Variants in DNAL1 observed in about 807,000 individuals in gnomAD.
The protein encoded by DNAL1 is chromosome 14 open reading frame 168.
Under a neutral mutation model 29.4 loss-of-function variants are expected in DNAL1, and 17 were observed. That is an observed-to-expected ratio of 0.58 (90% CI 0.40 to 0.87). The LOEUF is 0.87. DNAL1 is among the 40% of genes least tolerant of loss of function. The probability of loss-of-function intolerance (pLI) is 0.00; values close to 1 mark genes in which losing one functional copy is unlikely to be tolerated. For missense variants in DNAL1, 188 were observed against 214.1 expected, an observed-to-expected ratio of 0.88 and a Z score of 0.76; for synonymous variants, 78 against 76.3, an observed-to-expected ratio of 1.02 and a Z score of -0.12.
intron 5 of DNAL1, among the ~76,000 whole-genome samples, chr14:73,681,656 T>TATATATATATATATA (rs1241289032): frequency 2.3e-5 from 2 of 87,784 alleles, no homozygotes; most frequent in African/African-American, 1.2e-4. Context: ...ATATATATAT[T>TATATATATATATATA]AGTTGGGTGT....
In DNAL1 at chr14:73,689,975, G is replaced by C. The variant is rs535856469; in HGVS notation, c.532+460G>C. 2.7e-5 allele frequency among the ~76,000 whole-genome samples: 4 copies of C among 149,656 alleles called. No homozygotes were observed. In the East Asian group the frequency reaches 8.0e-4, roughly 30 times the overall value. ...CACTTGAACTCGGCAGGCGGAGGTT[G>C]CAGTGAGCTGAGATTGTGCCATTGC... On this transcript the variant is annotated intron_variant, in intron 7 of 7. Coordinates refer to ENST00000553645, the MANE Select transcript of DNAL1 (RefSeq NM_031427.4).
In DNAL1 at chr14:73,659,094, A is replaced by G. The variant is rs75788431; in HGVS notation, c.152+138A>G. On this transcript the variant is annotated intron_variant, in intron 3 of 7. Coordinates refer to ENST00000553645, the MANE Select transcript of DNAL1 (RefSeq NM_031427.4). ...TGCTTAGTGTAATTCTCTCTTTGGCAAGGTCAAACATGAAAAATGACTGGT... is the reference window on the plus strand; with the variant it reads ...TGCTTAGTGTAATTCTCTCTTTGGCGAGGTCAAACATGAAAAATGACTGGT... 2,270 of 569,272 alleles carry G rather than the reference A, an allele frequency of 4.0e-3. 42 individuals carry two copies. In the African/African-American group the frequency reaches 0.04, roughly 10 times the overall value. 35.3% of individuals were successfully genotyped at this position (569,272 alleles called of 1,614,324 possible). A position where few individuals can be genotyped will look rare whatever the true frequency, so the allele number is the denominator to read the frequency against.
chr14:73,677,884 TTGTGTGTGTGTGTG>T (rs566825653), intron 5 of DNAL1, among the ~76,000 whole-genome samples: 10 of 96,130 alleles, frequency 1.0e-4, no homozygotes, highest in South Asian at 6.3e-4. Context: ...ATATATATAT[TTGTGTGTGTGTGTG>T]TGTGTGTGTG....
chr14:73,646,754 CCT>C (rs1389524721), intron 1 of DNAL1, among the ~76,000 whole-genome samples: 3 of 151,612 alleles, frequency 2.0e-5, no homozygotes, highest in Non-Finnish European at 2.9e-5. Context: ...AGAGCAAGAC[CCT>C]GTCTCAAATA....
intron 7 of DNAL1, among the ~76,000 whole-genome samples, chr14:73,690,392 C>T (rs1892141410): frequency 6.6e-6 from 1 of 151,964 alleles, no homozygotes; most frequent in African/African-American, 2.4e-5. Flanking sequence ...GTGGCTCATG[C>T]CTGTAATCCT....
At chr14:73,691,813 C>T (rs1403181719) in intron 7 of DNAL1, among the ~76,000 whole-genome samples, 2 of 150,346 alleles carry the variant, frequency 1.3e-5, no homozygotes, top group Non-Finnish European at 3.0e-5. Context: ...CCTGCCTCAG[C>T]CTCCCAAGTA....
rs1224072803 is a variant in DNAL1, at chr14:73,696,781, G to T, written c.*839G>T. 1 of 152,166 alleles carries T rather than the reference G, an allele frequency of 6.6e-6. No homozygotes were observed. The highest frequency in any genetic ancestry group is 2.4e-5 in the African/African-American group (1 of 41,434). 9.4% of individuals were successfully genotyped at this position (152,166 alleles called of 1,614,324 possible). A position where few individuals can be genotyped will look rare whatever the true frequency, so the allele number is the denominator to read the frequency against. ...TTATATTTGAATTCCTAGACTAAATGCTGGCCATTGATGTATGTCAAAATT... is the reference window on the plus strand; with the variant it reads ...TTATATTTGAATTCCTAGACTAAATTCTGGCCATTGATGTATGTCAAAATT... On this transcript the variant is annotated 3_prime_UTR_variant, in exon 8 of 8. Coordinates refer to ENST00000553645, the MANE Select transcript of DNAL1 (RefSeq NM_031427.4).
At chr14:73,648,694 C>T (rs1220034037) in intron 1 of DNAL1, among the ~76,000 whole-genome samples, 2 of 151,038 alleles carry the variant, frequency 1.3e-5, no homozygotes, top group African/African-American at 2.4e-5. Flanking sequence ...GGATTACAAG[C>T]GTGAGCCACC....
chr14:73,658,887 TAA>T lies in DNAL1; in HGVS notation c.86_87del (p.Lys29ThrfsTer20). 4 of 1,602,532 alleles carry T rather than the reference TAA, an allele frequency of 2.5e-6. No individual in the cohort carries two copies. The highest frequency in any genetic ancestry group is 3.4e-6 in the Non-Finnish European group (4 of 1,174,134). ...CAGAGGCCATCTGAAGCCAAAGAGA[TAA>T]AACTTTATGCCCAGATTCCCCCTAT... On this transcript the variant is annotated frameshift_variant, in exon 3 of 8. Transcript: ENST00000553645. LOFTEE classifies it high-confidence loss of function.
intron 2 of DNAL1, among the ~76,000 whole-genome samples, chr14:73,655,638 C>T (rs1327754357): frequency 2.0e-5 from 3 of 151,882 alleles, no homozygotes; most frequent in East Asian, 1.9e-4. Context: ...TGAACCACCG[C>T]GCCCGGCCTA....
rs59065500 is a variant in DNAL1 at position 73,697,743 on chromosome 14, TAAAAAAA to T, written c.*1817_*1823del. On this transcript the variant is annotated 3_prime_UTR_variant, in exon 8 of 8. Transcript: ENST00000553645. Reference sequence around the variant, plus strand: ...GGGCAATAGAGCGAGACTCCATATTTAAAAAAAAAAAAAAAAAAAAAAGAGGAAAACT... The same window carrying T: ...GGGCAATAGAGCGAGACTCCATATTTAAAAAAAAAAAAAAAGAGGAAAACT... The T allele has an allele frequency of 9.7e-5, 12 of 123,584 alleles. No individual in the cohort carries two copies. The highest frequency in any genetic ancestry group is 2.7e-4 in the South Asian group (1 of 3,770). 7.7% of individuals were successfully genotyped at this position (123,584 alleles called of 1,614,324 possible).
At chr14:73,647,327 T>C (rs1268659927) in intron 1 of DNAL1, among the ~76,000 whole-genome samples, 2 of 141,252 alleles carry the variant, frequency 1.4e-5, no homozygotes, top group African/African-American at 5.3e-5. Flanking sequence ...ATTGAGCCAC[T>C]GCACTCCAGC....
At chr14:73,660,787 C>T (rs1359440311) in intron 3 of DNAL1, among the ~76,000 whole-genome samples, 1 of 152,122 alleles carries the variant, frequency 6.6e-6, no homozygotes, top group Non-Finnish European at 1.5e-5. Flanking sequence ...ATCATAAAGC[C>T]ATCTCAAAGG....
chr14:73,661,100 G>T (rs968196492), intron 3 of DNAL1, among the ~76,000 whole-genome samples: 9 of 151,908 alleles, frequency 5.9e-5, no homozygotes, highest in Non-Finnish European at 1.3e-4. Context: ...GGAGGCGGAG[G>T]TCGCAGTGAA....
chr14:73,659,085 C>G, intron 3 of DNAL1, 129 bp downstream of exon 3: 1 of 619,900 alleles, frequency 1.6e-6, no homozygotes. Flanking sequence ...GTGTAATTCT[C>G]TCTTTGGCAA....
At chr14:73,687,146 TAGAC>T (rs1258784815) in intron 5 of DNAL1, 109 bp from the exon 6 acceptor site, 2 of 1,315,106 alleles carry the variant, frequency 1.5e-6, no homozygotes, top group Non-Finnish European at 2.1e-6. Context: ...CTTCTACAAG[TAGAC>T]AGGCAGGGTC....
Position 73,682,988 on chromosome 14 carries a change from T to C in DNAL1, c.265-4271T>C, listed in dbSNP as rs533570976. On this transcript the variant is annotated intron_variant, in intron 5 of 7. Coordinates refer to ENST00000553645, the MANE Select transcript of DNAL1 (RefSeq NM_031427.4). ...ACCTCCTGGGTTCAAGCGATTCTTC[T>C]GCCTCAGCCTTCCGAGTAGCTGGGA... is the stretch of plus-strand genomic sequence containing the variant. Among the ~76,000 whole-genome samples, 24 of 151,662 alleles carry C rather than the reference T, an allele frequency of 1.6e-4. 1 individual carries two copies. In the South Asian group the frequency reaches 5.0e-3, roughly 32 times the overall value.
At chr14:73,671,515 C>T in intron 4 of DNAL1, 27 bp from the exon 5 acceptor site, 1 of 1,430,528 alleles carries the variant, frequency 7.0e-7, no homozygotes, top group South Asian at 1.6e-5. Context: ...TTCTAGTAAA[C>T]AAAAAAATGT....
intron 5 of DNAL1, among the ~76,000 whole-genome samples, chr14:73,674,890 C>CG (rs1891696165): frequency 6.6e-6 from 1 of 151,804 alleles, no homozygotes; most frequent in Non-Finnish European, 1.5e-5. Context: ...CTCACTGTGT[C>CG]GCCCAGGCTG....
Sources: allele counts gnomAD v4.1 joint callset (sites outside exome capture counted in the v4.1 genomes callset), GRCh38; gene constraint gnomAD v4.1.1; transcripts MANE v1.5; gene names NCBI Gene and HGNC (gene_info 2026-07-23, HGNC 2026-07-21).